CCDC7: variants seen among roughly 807,000 people sequenced by gnomAD.
CCDC7 encodes the protein coiled-coil domain-containing protein 7.
CCDC7 carries 183 observed loss-of-function variants against 196.9 expected under a neutral mutation model. The observed-to-expected ratio is 0.93, with a 90% CI of 0.82 to 1.05. The LOEUF (loss-of-function observed/expected upper bound fraction) is 1.05. Ranked by LOEUF, CCDC7 falls within the 50% of genes least tolerant of loss-of-function variation. CCDC7 has a pLI of 0.00. For missense variants in CCDC7, 1,540 were observed against 1,482.2 expected, an observed-to-expected ratio of 1.04 and a Z score of -0.64; for synonymous variants, 525 against 484.6, an observed-to-expected ratio of 1.08 and a Z score of -1.10.
intron 23 of CCDC7, among the ~76,000 whole-genome samples, chr10:32,694,196 C>T (rs1406014786): frequency 6.6e-6 from 1 of 152,142 alleles, no homozygotes; most frequent in African/African-American, 2.4e-5. Context: ...TGACAACCAT[C>T]ATTCACTGAT....
chr10:32,642,239 C>T (rs898025485), intron 20 of CCDC7, among the ~76,000 whole-genome samples: 4 of 152,200 alleles, frequency 2.6e-5, no homozygotes, highest in African/African-American at 9.6e-5. Flanking sequence ...CAATGCCCTG[C>T]CCCCAGAGGT....
At chr10:32,733,983 G>A (rs984475098) in intron 28 of CCDC7, among the ~76,000 whole-genome samples, 8 of 152,164 alleles carry the variant, frequency 5.3e-5, no homozygotes, top group Non-Finnish European at 1.0e-4. Flanking sequence ...GTTGGTGGGA[G>A]TGTAAATTCG....
intron 11 of CCDC7, among the ~76,000 whole-genome samples, chr10:32,541,860 T>C (rs1281023862): frequency 6.6e-6 from 1 of 152,224 alleles, no homozygotes; most frequent in African/African-American, 2.4e-5. Context: ...CTAGGGGCTC[T>C]CACCCTTTCA....
chr10:32,852,166 T>C (rs923203391), intron 40 of CCDC7, among the ~76,000 whole-genome samples: 6 of 152,242 alleles, frequency 3.9e-5, no homozygotes, highest in African/African-American at 1.2e-4. Context: ...ATTTCTGTTC[T>C]CCACCTTCTT....
chr10:32,857,303 C>T (rs1164180607), intron 41 of CCDC7, among the ~76,000 whole-genome samples: 1 of 152,124 alleles, frequency 6.6e-6, no homozygotes, highest in East Asian at 1.9e-4. Context: ...TCAGCACTTT[C>T]CATCCAACAG....
At chr10:32,826,178 A>T (rs946570928) in intron 32 of CCDC7, among the ~76,000 whole-genome samples, 2 of 152,220 alleles carry the variant, frequency 1.3e-5, no homozygotes, top group African/African-American at 4.8e-5. Context: ...TAACTAGACT[A>T]AAGTCCCAGC....
At chr10:32,543,504 T>G (rs1465854138) in intron 12 of CCDC7, 119 bp downstream of exon 13, 1 of 1,034,410 alleles carries the variant, frequency 9.7e-7, no homozygotes, top group East Asian at 3.6e-5. Flanking sequence ...AAACATAAAA[T>G]TGGCAAATAC....
intron 18 of CCDC7, among the ~76,000 whole-genome samples, chr10:32,620,200 G>A (rs900620012): frequency 6.6e-6 from 1 of 152,002 alleles, no homozygotes; most frequent in Admixed American, 6.6e-5. Flanking sequence ...TGGGATTATA[G>A]GCATGAGCCA....
At chr10:32,579,537 G>A (rs564798034) in intron 16 of CCDC7, among the ~76,000 whole-genome samples, 93 of 152,240 alleles carry the variant, frequency 6.1e-4, no homozygotes, top group African/African-American at 2.2e-3. Flanking sequence ...TAGTAGCCTT[G>A]TGTGTTTGGG....
At chr10:32,841,893 T>G (rs191027024) in intron 33 of CCDC7, among the ~76,000 whole-genome samples, 6 of 152,220 alleles carry the variant, frequency 3.9e-5, no homozygotes, top group Non-Finnish European at 7.4e-5. Context: ...CTGGAGTAAT[T>G]GTCAAGCCAC....
chr10:32,546,547 G>A (rs564555732), intron 13 of CCDC7, among the ~76,000 whole-genome samples: 10 of 152,184 alleles, frequency 6.6e-5, no homozygotes, highest in East Asian at 5.8e-4. Context: ...ATGTGCAAGC[G>A]TACAAGTATG....
chr10:32,630,949 G>C (rs529374807), intron 18 of CCDC7, among the ~76,000 whole-genome samples: 1 of 152,278 alleles, frequency 6.6e-6, no homozygotes, highest in East Asian at 1.9e-4. Flanking sequence ...ATGCCATGCA[G>C]TGTCTGCCTG....
intron 29 of CCDC7, among the ~76,000 whole-genome samples, chr10:32,802,475 A>G (rs756589000): frequency 1.3e-5 from 2 of 152,198 alleles, no homozygotes; most frequent in Non-Finnish European, 2.9e-5. Flanking sequence ...CCCAAAGGCA[A>G]CTAAATACTC....
At chr10:32,792,958 C>T (rs535064766) in intron 29 of CCDC7, among the ~76,000 whole-genome samples, 6 of 152,174 alleles carry the variant, frequency 3.9e-5, no homozygotes, top group Admixed American at 2.6e-4. Context: ...AACCAGGAAA[C>T]AAATAACAAA....
chr10:32,553,447 T>C (rs1373338330), intron 13 of CCDC7, among the ~76,000 whole-genome samples: 1 of 152,182 alleles, frequency 6.6e-6, no homozygotes, highest in Non-Finnish European at 1.5e-5. Context: ...TTGGGTCCAT[T>C]GCTGATGAAG....
intron 18 of CCDC7, among the ~76,000 whole-genome samples, chr10:32,585,424 G>T (rs918581725): frequency 2.6e-5 from 4 of 152,054 alleles, no homozygotes; most frequent in Admixed American, 1.3e-4. Context: ...TGTGCAGAAC[G>T]TGCAGGTTTG....
intron 24 of CCDC7, among the ~76,000 whole-genome samples, chr10:32,706,983 A>G (rs951315983): frequency 1.3e-5 from 2 of 152,228 alleles, no homozygotes; most frequent in African/African-American, 4.8e-5. Context: ...GGCCAGCATC[A>G]TCCTGATACC....
intron 8 of CCDC7, among the ~76,000 whole-genome samples, chr10:32,478,922 C>T (rs934993645): frequency 2.0e-5 from 3 of 151,992 alleles, no homozygotes; most frequent in African/African-American, 7.2e-5. Context: ...CCAAGTGAAA[C>T]CATCTGAGCA....
chr10:32,790,770 CTCAGAG>C (rs2082570655), intron 29 of CCDC7, among the ~76,000 whole-genome samples: 2 of 152,138 alleles, frequency 1.3e-5, no homozygotes, highest in Non-Finnish European at 2.9e-5. Context: ...TGAAGAGTGC[CTCAGAG>C]TCAGAGTCCT....
Sources: allele counts gnomAD v4.1 joint callset (sites outside exome capture counted in the v4.1 genomes callset), GRCh38; gene constraint gnomAD v4.1.1; transcripts MANE v1.5; gene names NCBI Gene and HGNC (gene_info 2026-07-23, HGNC 2026-07-21).